SHOC2: variants seen among roughly 807,000 people sequenced by gnomAD.
The protein encoded by SHOC2 is SHOC2 leucine rich repeat scaffold protein, also known as leucine-rich repeat protein SHOC-2.
A neutral mutation model predicts 50.2 loss-of-function variants in SHOC2; 4 were observed. That is an observed-to-expected ratio of 0.08 (90% CI 0.04 to 0.18). SHOC2 has a LOEUF of 0.18. SHOC2 is among the 10% of genes least tolerant of loss of function. The pLI is 1.00. For missense variants in SHOC2, 388 were observed against 669.6 expected, an observed-to-expected ratio of 0.58 and a Z score of 4.64; for synonymous variants, 218 against 244.5, an observed-to-expected ratio of 0.89 and a Z score of 1.01.
At chr10:110,948,509 AGAAGATT>A (rs1475758769) in intron 1 of SHOC2, among the ~76,000 whole-genome samples, 6 of 152,216 alleles carry the variant, frequency 3.9e-5, no homozygotes, top group Non-Finnish European at 7.4e-5. Flanking sequence ...AAGAAATTTG[AGAAGATT>A]GAAATTGTAT....
intron 4 of SHOC2, among the ~76,000 whole-genome samples, chr10:111,003,898 G>C (rs1848423844): frequency 3.3e-5 from 5 of 152,032 alleles, no homozygotes; most frequent in Admixed American, 3.3e-4. Context: ...TCTATAAATA[G>C]AGCTTAATCT....
intron 1 of SHOC2, chr10:110,937,301 A>G (rs1590783809): frequency 1.4e-6 from 1 of 708,446 alleles, no homozygotes; most frequent in East Asian, 2.6e-5. Flanking sequence ...TGTTTCAGTG[A>G]TGCCAAATGA....
chr10:110,923,278 A>G (rs1178849673), intron 1 of SHOC2, among the ~76,000 whole-genome samples: 1 of 152,044 alleles, frequency 6.6e-6, no homozygotes, highest in African/African-American at 2.4e-5. Context: ...AACTTCATAT[A>G]TTATAGAGTG....
chr10:110,937,612 T>G (rs916866133), intron 1 of SHOC2, among the ~76,000 whole-genome samples: 1 of 152,204 alleles, frequency 6.6e-6, no homozygotes, highest in Non-Finnish European at 1.5e-5. Context: ...ATACCATCTT[T>G]CAAATTAGAA....
chr10:110,923,030 A>C (rs1435529634), intron 1 of SHOC2, among the ~76,000 whole-genome samples: 2 of 152,102 alleles, frequency 1.3e-5, no homozygotes, highest in Non-Finnish European at 2.9e-5. Flanking sequence ...AAGTTGGCTG[A>C]ATCTTAGACT....
chr10:110,931,060 T>G (rs1431929743), intron 1 of SHOC2, among the ~76,000 whole-genome samples: 1 of 152,150 alleles, frequency 6.6e-6, no homozygotes, highest in African/African-American at 2.4e-5. Context: ...TGCTTTCCCA[T>G]AAGAAGTAAT....
At chr10:110,980,828 TC>T (rs1220887569) in intron 2 of SHOC2, among the ~76,000 whole-genome samples, 1 of 152,136 alleles carries the variant, frequency 6.6e-6, no homozygotes, top group East Asian at 1.9e-4. Flanking sequence ...AACAGTCAGT[TC>T]CAACTTCCTT....
chr10:110,932,487 G>A (rs1846914136), intron 1 of SHOC2, among the ~76,000 whole-genome samples: 1 of 152,142 alleles, frequency 6.6e-6, no homozygotes, highest in Non-Finnish European at 1.5e-5. Flanking sequence ...ATGGCAGTGA[G>A]AATGAAGAGA....
intron 1 of SHOC2, among the ~76,000 whole-genome samples, chr10:110,942,653 A>G (rs1847170972): frequency 6.6e-6 from 1 of 152,192 alleles, no homozygotes; most frequent in South Asian, 2.1e-4. Context: ...CTGTAATAAC[A>G]TCCTCTTGGT....
rs552288611 is a variant in SHOC2 at position 110,937,704 on chromosome 10, C to T, written c.-235+18047C>T. ...TAAAGTATGGGCTGATGTAGTTTTC[C>T]GAAAGCCAAAAATAGTTCATTTACA... On this transcript the variant is annotated intron_variant, in intron 1 of 8. Transcript: ENST00000369452. Among the ~76,000 whole-genome samples the T allele has an allele frequency of 9.2e-5, 14 of 152,156 alleles. No homozygotes were observed. In the South Asian group the frequency reaches 1.9e-3, roughly 20 times the overall value.
intron 1 of SHOC2, among the ~76,000 whole-genome samples, chr10:110,931,315 C>T (rs903677874): frequency 1.3e-5 from 2 of 152,120 alleles, no homozygotes; most frequent in Non-Finnish European, 2.9e-5. Flanking sequence ...TTCACTTGTG[C>T]TGCTTAAAGG....
At chr10:111,006,154 A>C (rs1848462356) in intron 5 of SHOC2, among the ~76,000 whole-genome samples, 2 of 152,244 alleles carry the variant, frequency 1.3e-5, no homozygotes, top group Admixed American at 6.5e-5. Context: ...AACAGTAGTA[A>C]ATTTTTAAAA....
chr10:110,919,591 T>C (rs1011633209), upstream of SHOC2: 2 of 391,902 alleles, frequency 5.1e-6, no homozygotes, highest in Admixed American at 4.5e-5. Flanking sequence ...GCGTCGCTTC[T>C]TAGGAGGAGG....
At chr10:110,968,423 A>G (rs944406648) in intron 2 of SHOC2, among the ~76,000 whole-genome samples, 3 of 152,260 alleles carry the variant, frequency 2.0e-5, no homozygotes, top group African/African-American at 7.2e-5. Context: ...AACACCTTTA[A>G]TGTAATTTGA....
rs1419497163 is a variant in SHOC2 at position 111,005,939 on chromosome 10, A to G, written c.1161+1145A>G. ...AATATGGTGTGTATCTTTTATGATG[A>G]TTCTTTGGAAGTATATGATAAGTAA... On this transcript the variant is annotated intron_variant, in intron 5 of 8. Coordinates refer to ENST00000369452, the MANE Select transcript of SHOC2 (RefSeq NM_007373.4). Among the ~76,000 whole-genome samples the G allele has an allele frequency of 2.0e-5, 3 of 152,198 alleles. No individual in the cohort carries two copies. The East Asian group carries it at 5.8e-4, about 29-fold the overall frequency.
intron 1 of SHOC2, among the ~76,000 whole-genome samples, chr10:110,921,967 TC>T (rs1846661226): frequency 6.6e-6 from 1 of 151,676 alleles, no homozygotes; most frequent in Non-Finnish European, 1.5e-5. Flanking sequence ...TGCAGCTAGA[TC>T]TTTTTTTTTT....
At chr10:110,938,331 T>TA (rs1408643309) in intron 1 of SHOC2, among the ~76,000 whole-genome samples, 2 of 152,196 alleles carry the variant, frequency 1.3e-5, no homozygotes, top group Non-Finnish European at 2.9e-5. Flanking sequence ...TAGTCTCAAA[T>TA]ATAAAAACAC....
At chr10:110,979,610 T>C (rs7089193) in intron 2 of SHOC2, among the ~76,000 whole-genome samples, 121,168 of 151,844 alleles carry the variant, frequency 0.8, 48,754 homozygotes, top group East Asian at 0.95. Flanking sequence ...CAACACGACT[T>C]CACCACCCTT....
chr10:110,989,532 T>G (rs1241766853), intron 3 of SHOC2, among the ~76,000 whole-genome samples: 2 of 152,210 alleles, frequency 1.3e-5, no homozygotes, highest in Non-Finnish European at 2.9e-5. Flanking sequence ...TGGATCAAAC[T>G]GCCTTTCCTT....
Sources: allele counts gnomAD v4.1 joint callset (sites outside exome capture counted in the v4.1 genomes callset), GRCh38; gene constraint gnomAD v4.1.1; transcripts MANE v1.5; gene names NCBI Gene and HGNC (gene_info 2026-07-23, HGNC 2026-07-21).